Variants in RPL22 observed in about 807,000 individuals in gnomAD.
The protein encoded by RPL22 is ribosomal protein L22.
Under a neutral mutation model 16.2 loss-of-function variants are expected in RPL22, and 4 were observed. The ratio of observed to expected loss-of-function variants is 0.25; its 90% CI spans 0.12 to 0.57. The LOEUF is 0.57. Ranked by LOEUF, RPL22 falls within the 20% of genes least tolerant of loss-of-function variation. The probability of loss-of-function intolerance (pLI) is 0.92; values close to 1 mark genes in which losing one functional copy is unlikely to be tolerated. For missense variants in RPL22, 83 were observed against 156.1 expected, an observed-to-expected ratio of 0.53 and a Z score of 2.49; for synonymous variants, 43 against 54.8, an observed-to-expected ratio of 0.78 and a Z score of 0.95.
intron 2 of RPL22, 116 bp from the exon 3 acceptor site, chr1:6,193,170 G>C: frequency 7.9e-7 from 1 of 1,272,898 alleles, no homozygotes; most frequent in Non-Finnish European, 1.1e-6. Context: ...TTTGGAGACA[G>C]AGTCTCACCA....
rs185837996 is a variant in RPL22, at chr1:6,189,856, G to C, written c.243-3040C>G. On this transcript the variant is annotated intron_variant, in intron 3 of 3. Coordinates refer to ENST00000234875, the MANE Select transcript of RPL22 (RefSeq NM_000983.4). ...GAATTGCTTGAACCTGGGAGGCGGA[G>C]GTTTCAGTGAGCTGAAATCGCGCCA... Among the ~76,000 whole-genome samples, 612 of 152,252 alleles carry C rather than the reference G, an allele frequency of 4.0e-3. 5 individuals are homozygous for C. Among genetic ancestry groups the C allele is most frequent in the Non-Finnish European group, 6.1e-3 (418 of 68,002 alleles).
chr1:6,187,414 AC>A, intron 3 of RPL22, among the ~76,000 whole-genome samples: 1 of 152,134 alleles, frequency 6.6e-6, no homozygotes, highest in East Asian at 1.9e-4. Context: ...GGAAACGGAG[AC>A]CATCCTGGCT....
intron 2 of RPL22, among the ~76,000 whole-genome samples, chr1:6,197,033 T>C (rs772950610): frequency 7.8e-6 from 1 of 127,814 alleles, no homozygotes; most frequent in Non-Finnish European, 1.6e-5. Flanking sequence ...CAGTAACTTT[T>C]TTTGTTTTGT....
rs561522369 is a variant in RPL22, at chr1:6,187,239, C to T, written c.243-423G>A. On this transcript the variant is annotated intron_variant, in intron 3 of 3. Coordinates refer to ENST00000234875, the MANE Select transcript of RPL22 (RefSeq NM_000983.4). ...ATGAGGATCCCTTGAATCCAGGAGG[C>T]GGAGGGTGTAGTGAGCTAAGATTGT... Among the ~76,000 whole-genome samples, 44 of 152,090 alleles carry T rather than the reference C, an allele frequency of 2.9e-4. No homozygotes were observed. In the South Asian group the frequency reaches 8.5e-3, roughly 30 times the overall value.
intron 3 of RPL22, among the ~76,000 whole-genome samples, chr1:6,191,141 C>T (rs529796979): frequency 1.3e-4 from 19 of 151,232 alleles, no homozygotes; most frequent in Non-Finnish European, 1.6e-4. Context: ...GGGTGGATTA[C>T]GAGGTCAGGA....
intron 3 of RPL22, 28 bp downstream of exon 3, chr1:6,192,902 A>C: frequency 6.3e-7 from 1 of 1,588,808 alleles, no homozygotes; most frequent in Admixed American, 1.7e-5. Context: ...GGGTGCACGC[A>C]GGCCACACAC....
In RPL22 at chr1:6,185,074, C is replaced by T. The variant is rs1667567431; in HGVS notation, c.*1598G>A. Reference sequence around the variant, plus strand: ...TTTAATAGAAAATATGATCAAAACTCGATTACAAGAGTTCAAAAAGACATA... The same window carrying T: ...TTTAATAGAAAATATGATCAAAACTTGATTACAAGAGTTCAAAAAGACATA... On this transcript the variant is annotated 3_prime_UTR_variant, in exon 4 of 4. Coordinates refer to ENST00000234875, the MANE Select transcript of RPL22 (RefSeq NM_000983.4). 5.5e-6 allele frequency: 2 copies of T among 365,478 alleles called. No individual in the cohort carries two copies. The highest frequency in any genetic ancestry group is 7.7e-5 in the East Asian group (2 of 25,860). 22.6% of individuals were successfully genotyped at this position (365,478 alleles called of 1,614,324 possible). A position where few individuals can be genotyped will look rare whatever the true frequency, so the allele number is the denominator to read the frequency against.
intron 2 of RPL22, among the ~76,000 whole-genome samples, chr1:6,195,262 G>A (rs1028127701): frequency 1.5e-4 from 22 of 151,650 alleles, no homozygotes; most frequent in African/African-American, 4.6e-4. Flanking sequence ...TGGCTAACAC[G>A]GTGAAACTCT....
chr1:6,187,613 C>CA (rs796081884), intron 3 of RPL22, among the ~76,000 whole-genome samples: 25,569 of 71,852 alleles, frequency 0.36, 5,025 homozygotes, highest in African/African-American at 0.59. Flanking sequence ...GACTCCATCT[C>CA]AAAAAAAAAA....
At chr1:6,188,407 G>A (rs1348243830) in intron 3 of RPL22, among the ~76,000 whole-genome samples, 3 of 152,132 alleles carry the variant, frequency 2.0e-5, no homozygotes, top group African/African-American at 7.2e-5. Flanking sequence ...GATGACCTAA[G>A]GGCTGGGCAC....
chr1:6,194,158 A>ATCAC (rs1233568379), intron 2 of RPL22, among the ~76,000 whole-genome samples: 1 of 152,048 alleles, frequency 6.6e-6, no homozygotes, highest in East Asian at 1.9e-4. Context: ...GTGAGCCGAG[A>ATCAC]TCACACCACT....
chr1:6,194,564 T>C (rs1355844209), intron 2 of RPL22, among the ~76,000 whole-genome samples: 1 of 152,224 alleles, frequency 6.6e-6, no homozygotes, highest in East Asian at 1.9e-4. Flanking sequence ...AAAATTCCTA[T>C]AATTTTCTGT....
chr1:6,185,114 T>C lies in RPL22; in HGVS notation c.*1558A>G, dbSNP rs1667567843. On this transcript the variant is annotated 3_prime_UTR_variant, in exon 4 of 4. Coordinates refer to ENST00000234875, the MANE Select transcript of RPL22 (RefSeq NM_000983.4). ...AAAAAGACATAGAAAACCAGTGAGT[T>C]TCAATTTTATTACAAGTTTTCAAAT... is the stretch of plus-strand genomic sequence containing the variant. 1 of 388,534 alleles carries C rather than the reference T, an allele frequency of 2.6e-6. No homozygotes were observed. The highest frequency in any genetic ancestry group is 4.5e-6 in the Non-Finnish European group (1 of 220,508). The allele number at this position is 388,534 out of a possible 1,614,324, so 24.1% of individuals were successfully genotyped here.
At chr1:6,191,165 C>G (rs962436681) in intron 3 of RPL22, among the ~76,000 whole-genome samples, 1 of 151,060 alleles carries the variant, frequency 6.6e-6, no homozygotes, top group African/African-American at 2.4e-5. Flanking sequence ...CGAGACCAGC[C>G]TGGCCAACAT....
intron 3 of RPL22, among the ~76,000 whole-genome samples, chr1:6,191,696 A>G (rs1667653596): frequency 6.8e-6 from 1 of 147,492 alleles, no homozygotes; most frequent in Non-Finnish European, 1.5e-5. Flanking sequence ...AAAAAGAAAT[A>G]CAAGAATTAG....
rs1464484102 is a variant in RPL22 at position 6,197,981 on chromosome 1, G to T, written c.13-225C>A. 1.8e-5 allele frequency: 10 copies of T among 571,346 alleles called. No individual in the cohort carries two copies. In the East Asian group the frequency reaches 2.9e-4, roughly 16 times the overall value. The allele number at this position is 571,346 out of a possible 1,614,324, so 35.4% of individuals were successfully genotyped here. ...TTGGGGCCTGGGGTCATGCCCTTTT[G>T]ATGGGGAAATCATTCTAGCACTCTT... On this transcript the variant is annotated intron_variant, in intron 1 of 3. Coordinates refer to ENST00000234875, the MANE Select transcript of RPL22 (RefSeq NM_000983.4).
intron 2 of RPL22, among the ~76,000 whole-genome samples, chr1:6,196,778 C>G (rs985739003): frequency 2.0e-5 from 3 of 150,452 alleles, no homozygotes; most frequent in Non-Finnish European, 4.4e-5. Context: ...AGAGCAAGAT[C>G]TGAAGAAAAA....
intron 3 of RPL22, among the ~76,000 whole-genome samples, chr1:6,189,360 T>C (rs987807599): frequency 1.3e-5 from 2 of 152,282 alleles, no homozygotes; most frequent in East Asian, 3.9e-4. Context: ...TTCCACCATA[T>C]TGTATTCAGA....
At chr1:6,195,334 A>G (rs1423399991) in intron 2 of RPL22, among the ~76,000 whole-genome samples, 1 of 151,256 alleles carries the variant, frequency 6.6e-6, no homozygotes, top group East Asian at 1.9e-4. Context: ...AGTCCCAGCT[A>G]TTCGGGAGGC....
Sources: allele counts gnomAD v4.1 joint callset (sites outside exome capture counted in the v4.1 genomes callset), GRCh38; gene constraint gnomAD v4.1.1; transcripts MANE v1.5; gene names NCBI Gene and HGNC (gene_info 2026-07-23, HGNC 2026-07-21).